The following OMA1 variants were observed in gnomAD, a reference collection of about 807,000 sequenced individuals.
The protein encoded by OMA1 is metalloendopeptidase OMA1, mitochondrial.
In OMA1, 38 loss-of-function variants were observed where a neutral mutation model predicts 30.9. The ratio of observed to expected loss-of-function variants is 1.23; its 90% CI spans 0.95 to 1.61. The LOEUF is 1.61. Ranked by LOEUF, OMA1 falls within the 40% of genes most tolerant of loss-of-function variation. The pLI is 0.00. For missense variants in OMA1, 461 were observed against 349.2 expected, an observed-to-expected ratio of 1.32 and a Z score of -2.55; for synonymous variants, 173 against 121.9, an observed-to-expected ratio of 1.42 and a Z score of -2.76.
intron 7 of OMA1, among the ~76,000 whole-genome samples, chr1:58,521,855 T>TA (rs1170407876): frequency 2.0e-5 from 3 of 152,136 alleles, no homozygotes; most frequent in African/African-American, 7.2e-5. Context: ...TAGCTAATCT[T>TA]ACAAAAACTC....
intron 8 of OMA1, among the ~76,000 whole-genome samples, chr1:58,495,065 T>C (rs967006701): frequency 3.9e-5 from 6 of 152,160 alleles, no homozygotes; most frequent in Non-Finnish European, 7.3e-5. Flanking sequence ...GTGGCACATA[T>C]ACAGCATGGA....
chr1:58,537,698 T>TAA (rs1213422991), intron 2 of OMA1, among the ~76,000 whole-genome samples: 3 of 152,254 alleles, frequency 2.0e-5, no homozygotes, highest in Non-Finnish European at 2.9e-5. Context: ...TACAAATTCT[T>TAA]AAAGTTCTCT....
At chr1:58,495,854 T>C (rs1425053882) in intron 8 of OMA1, among the ~76,000 whole-genome samples, 1 of 152,220 alleles carries the variant, frequency 6.6e-6, no homozygotes, top group Non-Finnish European at 1.5e-5. Flanking sequence ...TCCTTATGCT[T>C]ATGAAAAGAA....
At chr1:58,489,940 G>A (rs1298990999) in intron 8 of OMA1, among the ~76,000 whole-genome samples, 1 of 152,188 alleles carries the variant, frequency 6.6e-6, no homozygotes, top group Non-Finnish European at 1.5e-5. Flanking sequence ...AACCCCATCT[G>A]TACGTCACCA....
At chr1:58,490,795 C>CTTTTTTTTTT (rs148145860) in intron 8 of OMA1, among the ~76,000 whole-genome samples, 3 of 59,244 alleles carry the variant, frequency 5.1e-5, no homozygotes, top group African/African-American at 1.3e-4. Flanking sequence ...AGTCAACATT[C>CTTTTTTTTTT]TTTTTTTTTT....
intron 2 of OMA1, 126 bp from the exon 3 acceptor site, chr1:58,536,867 A>G: frequency 1.6e-6 from 1 of 607,016 alleles, no homozygotes; most frequent in Non-Finnish European, 2.9e-6. Context: ...TTCGCTGAAT[A>G]CATCGCTTTT....
intron 3 of OMA1, among the ~76,000 whole-genome samples, 173 bp downstream of exon 3, chr1:58,536,340 T>C (rs1389999719): frequency 1.3e-5 from 2 of 151,966 alleles, no homozygotes; most frequent in African/African-American, 2.4e-5. Flanking sequence ...GGAAAAGCAA[T>C]GTAGGCAGTA....
chr1:58,495,014 C>G (rs907279910), intron 8 of OMA1, among the ~76,000 whole-genome samples: 1 of 152,160 alleles, frequency 6.6e-6, no homozygotes, highest in African/African-American at 2.4e-5. Context: ...GACTTGGAAC[C>G]AACCCAAACG....
chr1:58,506,076 T>A lies in OMA1; in HGVS notation c.1349A>T (p.Asp450Val), dbSNP rs77244905. The A allele has an allele frequency of 4.2e-3, 3,637 of 871,344 alleles. 22 individuals are homozygous for A. The highest frequency in any genetic ancestry group is 9.4e-3 in the South Asian group (717 of 76,376). The allele number at this position is 871,344 out of a possible 1,614,324, so 54.0% of individuals were successfully genotyped here. Reference sequence around the variant, plus strand: ...TCAGCTCACCTGAGGTATAAGTCTATCCAAGTACTCAACTCGATTGCCATG... The same window carrying A: ...TCAGCTCACCTGAGGTATAAGTCTAACCAAGTACTCAACTCGATTGCCATG... ...PSHGNRVEYL[D>V]RLIPQALKIR... The change falls in exon 8 of 9, where the codon GAT (aspartate) becomes GTT (valine). Residue 450 changes from aspartate to valine, a missense_variant. Coordinates refer to ENST00000371226, the MANE Select transcript of OMA1 (RefSeq NM_145243.5).
chr1:58,486,503 A>C (rs1645577836), intron 8 of OMA1, among the ~76,000 whole-genome samples: 1 of 152,140 alleles, frequency 6.6e-6, no homozygotes, highest in African/African-American at 2.4e-5. Context: ...ACCCACTATT[A>C]TATTGCTTAT....
At chr1:58,513,663 A>G (rs1646116158) in intron 7 of OMA1, among the ~76,000 whole-genome samples, 1 of 152,234 alleles carries the variant, frequency 6.6e-6, no homozygotes, top group Admixed American at 6.5e-5. Flanking sequence ...AATCAGAAAT[A>G]TCTGGGTTCA....
chr1:58,507,673 A>G (rs937025538), intron 7 of OMA1, among the ~76,000 whole-genome samples: 1 of 152,086 alleles, frequency 6.6e-6, no homozygotes, highest in Non-Finnish European at 1.5e-5. Context: ...ATACATATCT[A>G]TATATGCAAG....
intron 7 of OMA1, among the ~76,000 whole-genome samples, chr1:58,525,667 A>G (rs574417946): frequency 6.6e-6 from 1 of 152,284 alleles, no homozygotes; most frequent in African/African-American, 2.4e-5. Context: ...ATGCAATGCA[A>G]TTCCAATCAA....
intron 7 of OMA1, among the ~76,000 whole-genome samples, chr1:58,524,578 G>A (rs915089230): frequency 2.0e-5 from 3 of 152,202 alleles, no homozygotes; most frequent in Non-Finnish European, 4.4e-5. Context: ...CATGCTTGCT[G>A]GTAGAGTTGC....
intron 8 of OMA1, among the ~76,000 whole-genome samples, 189 bp from the exon 9 acceptor site, chr1:58,481,363 A>G (rs1028774191): frequency 1.1e-4 from 16 of 152,142 alleles, no homozygotes; most frequent in African/African-American, 3.9e-4. Flanking sequence ...TGTTTTCATG[A>G]TTTGGTCAAA....
intron 7 of OMA1, among the ~76,000 whole-genome samples, chr1:58,518,124 T>A (rs975530313): frequency 1.3e-5 from 2 of 148,404 alleles, no homozygotes; most frequent in Non-Finnish European, 3.0e-5. Context: ...AGGTGGTGGT[T>A]GCTGTGAGCT....
rs1553126248 is a variant in OMA1, at chr1:58,542,990, T to TA, written c.-16-3681dup. On this transcript the variant is annotated intron_variant, in intron 1 of 8. Transcript: ENST00000371226. Reference sequence around the variant, plus strand: ...AAGAACTACAAACAAAAAGCTTTTTTAAAAAAAAAAAAGTGGATCCACAGA... The same window carrying TA: ...AAGAACTACAAACAAAAAGCTTTTTTAAAAAAAAAAAAAGTGGATCCACAGA... Among the ~76,000 whole-genome samples, 78 of 145,286 alleles carry TA rather than the reference T, an allele frequency of 5.4e-4. 1 individual carries two copies. Among genetic ancestry groups the TA allele is most frequent in the South Asian group, 1.1e-3 (5 of 4,594 alleles).
At chr1:58,521,430 A>G (rs1330603743) in intron 7 of OMA1, among the ~76,000 whole-genome samples, 2 of 152,006 alleles carry the variant, frequency 1.3e-5, no homozygotes, top group Non-Finnish European at 2.9e-5. Context: ...AAAATAATGA[A>G]AAAAAATGGT....
At chr1:58,540,968 T>C (rs1166725582) in intron 1 of OMA1, among the ~76,000 whole-genome samples, 1 of 151,970 alleles carries the variant, frequency 6.6e-6, no homozygotes, top group African/African-American at 2.4e-5. Flanking sequence ...CAATGAAAGA[T>C]AAAATCTTAA....
Sources: allele counts gnomAD v4.1 joint callset (sites outside exome capture counted in the v4.1 genomes callset), GRCh38; gene constraint gnomAD v4.1.1; transcripts MANE v1.5; gene names NCBI Gene and HGNC (gene_info 2026-07-23, HGNC 2026-07-21).